The following CFAP54 variants were observed in gnomAD, a reference collection of about 807,000 sequenced individuals.
CFAP54 encodes the protein cilia and flagella associated protein 54.
A neutral mutation model predicts 370.4 loss-of-function variants in CFAP54; 290 were observed. The ratio of observed to expected loss-of-function variants is 0.78; its 90% CI spans 0.71 to 0.86. CFAP54 has a LOEUF of 0.86. Ranked by LOEUF, CFAP54 falls within the 40% of genes least tolerant of loss-of-function variation. The pLI, the probability that CFAP54 is intolerant of heterozygous loss-of-function variation, is 0.00. For synonymous variants in CFAP54, 1,206 were observed against 1,236.5 expected, an observed-to-expected ratio of 0.98 and a Z score of 0.52; for missense variants, 3,399 against 3,528.7, an observed-to-expected ratio of 0.96 and a Z score of 0.93.
chr12:96,539,775 G>GT (rs1347764155), intron 13 of CFAP54, among the ~76,000 whole-genome samples: 11 of 152,222 alleles, frequency 7.2e-5, no homozygotes, highest in African/African-American at 2.6e-4. Flanking sequence ...ATACAGAGAC[G>GT]TAAGAGTGTC....
At chr12:96,608,314 C>T (rs1461178028) in intron 26 of CFAP54, among the ~76,000 whole-genome samples, 6 of 133,884 alleles carry the variant, frequency 4.5e-5, no homozygotes, top group East Asian at 3.9e-4. Context: ...TATATACACA[C>T]ACACACACAC....
Position 96,669,597 on chromosome 12 carries a change from G to C in CFAP54, c.5563+5665G>C, listed in dbSNP as rs542518939. On this transcript the variant is annotated intron_variant, in intron 39 of 67. Transcript: ENST00000524981. ...AGGTGGCGGATGGGTGAGGAAGGGA[G>C]GAGTTCAAGTCGCCTTGGTTTCTGG... Among the ~76,000 whole-genome samples, 17 of 152,304 alleles carry C rather than the reference G, an allele frequency of 1.1e-4. 1 individual carries two copies. In the East Asian group the frequency reaches 2.9e-3, roughly 26 times the overall value.
rs558527819 is a variant in CFAP54, at chr12:96,571,104, A to G, written c.2620-5481A>G. On this transcript the variant is annotated intron_variant, in intron 19 of 67. Coordinates refer to ENST00000524981, the MANE Select transcript of CFAP54 (RefSeq NM_001306084.2). ...TTCCAGTCCTGTGATAGTTGATTACATATGTCTTAGTCACACCCTCAAGAT... is the reference window on the plus strand; with the variant it reads ...TTCCAGTCCTGTGATAGTTGATTACGTATGTCTTAGTCACACCCTCAAGAT... Among the ~76,000 whole-genome samples, 8 of 152,258 alleles carry G rather than the reference A, an allele frequency of 5.3e-5. No individual in the cohort carries two copies. In the South Asian group the frequency reaches 6.2e-4, roughly 12 times the overall value.
At chr12:96,631,137 C>T (rs752187711) in intron 32 of CFAP54, among the ~76,000 whole-genome samples, 5 of 151,492 alleles carry the variant, frequency 3.3e-5, no homozygotes, top group Admixed American at 6.6e-5. Context: ...TAATTTACAC[C>T]GCATAGATAT....
chr12:96,818,675 C>G (rs1959001235), intron 65 of CFAP54, among the ~76,000 whole-genome samples: 1 of 152,244 alleles, frequency 6.6e-6, no homozygotes, highest in African/African-American at 2.4e-5. Context: ...CTGCCCCACT[C>G]AAGCTTACTG....
intron 60 of CFAP54, among the ~76,000 whole-genome samples, chr12:96,766,686 G>C (rs1720989171): frequency 1.3e-5 from 2 of 152,182 alleles, no homozygotes; most frequent in Non-Finnish European, 2.9e-5. Flanking sequence ...TAGACTGAGA[G>C]ATTAGTCAAA....
rs1592844389 is a variant in CFAP54, at chr12:96,546,805, G to GTC, written c.2078-1096_2078-1095dup. Among the ~76,000 whole-genome samples the GTC allele has an allele frequency of 2.0e-5, 3 of 147,864 alleles. No homozygotes were observed. In the East Asian group the frequency reaches 6.4e-4, roughly 32 times the overall value. ...GATCATGCCACTGCCCTCTAGCCTGGTCAACAGTGTGAGACTCCATCTCAA... is the reference window on the plus strand; with the variant it reads ...GATCATGCCACTGCCCTCTAGCCTGGTCTCAACAGTGTGAGACTCCATCTCAA... On this transcript the variant is annotated intron_variant, in intron 14 of 67. Transcript: ENST00000524981.
chr12:96,607,099 G>A (rs1409863072), intron 26 of CFAP54, among the ~76,000 whole-genome samples: 1 of 152,172 alleles, frequency 6.6e-6, no homozygotes, highest in Non-Finnish European at 1.5e-5. Flanking sequence ...TTCATGGCCT[G>A]ACCTCAAGAG....
At chr12:96,679,940 A>T (rs550522935) in intron 40 of CFAP54, among the ~76,000 whole-genome samples, 188 bp downstream of exon 40, 4 of 151,742 alleles carry the variant, frequency 2.6e-5, no homozygotes, top group African/African-American at 9.7e-5. Context: ...TTTCTCACTC[A>T]CTCGCTTTTA....
At chr12:96,771,965 G>A (rs1958467254) in intron 60 of CFAP54, among the ~76,000 whole-genome samples, 2 of 152,180 alleles carry the variant, frequency 1.3e-5, no homozygotes, top group African/African-American at 4.8e-5. Flanking sequence ...TAAGTATTCA[G>A]TCAGAAAAAG....
chr12:96,603,643 T>C (rs1428003869), intron 26 of CFAP54, among the ~76,000 whole-genome samples: 8 of 152,224 alleles, frequency 5.3e-5, no homozygotes, highest in Non-Finnish European at 7.3e-5. Context: ...TCTTGTAGGC[T>C]TTGTTCGTTT....
chr12:96,623,603 AAT>A (rs1956523330), intron 27 of CFAP54, among the ~76,000 whole-genome samples, 162 bp from the exon 28 acceptor site: 1 of 152,208 alleles, frequency 6.6e-6, no homozygotes, highest in Non-Finnish European at 1.5e-5. Flanking sequence ...ATTAGAGCAC[AAT>A]AACTGTTATT....
chr12:96,743,367 A>C (rs746151386), intron 52 of CFAP54, 35 bp from the exon 53 acceptor site: 41 of 1,605,106 alleles, frequency 2.6e-5, no homozygotes, highest in Non-Finnish European at 3.0e-5. Flanking sequence ...TGACTTTCTC[A>C]ATGCATTTTA....
In CFAP54 at chr12:96,693,787, T is replaced by A; in HGVS notation, c.6330T>A (p.Asn2110Lys). The change falls in exon 45 of 68, where the codon AAT (asparagine) becomes AAA (lysine). Residue 2110 changes from asparagine (N) to lysine (K), a missense_variant. Around this residue, in one of 3 missense-constraint regions of CFAP54, gnomAD observed 2,796 missense variants for 2,869.7 expected, o/e 0.97. Coordinates refer to ENST00000524981, the MANE Select transcript of CFAP54 (RefSeq NM_001306084.2). ...VSGICQDITR[N>K]LEARILKIEV... is the part of the protein sequence containing the mutation. ...GAATTTGTCAAGACATAACAAGAAA[T>A]CTAGAAGCAAGAATCCTCAAGGTAT... 1 of 1,591,972 alleles carries A rather than the reference T, an allele frequency of 6.3e-7. No individual in the cohort carries two copies. The highest frequency in any genetic ancestry group is 8.6e-7 in the Non-Finnish European group (1 of 1,161,564).
intron 65 of CFAP54, among the ~76,000 whole-genome samples, chr12:96,827,707 T>TATAGAATTATATATAATTATATTTA (rs1959133311): frequency 1.1e-5 from 1 of 90,248 alleles, no homozygotes; most frequent in East Asian, 3.3e-4. Flanking sequence ...TATTATATTA[T>TATAGAATTATATATAATTATATTTA]ATATAATTAT....
intron 32 of CFAP54, among the ~76,000 whole-genome samples, chr12:96,633,977 A>C (rs1197814720): frequency 6.6e-6 from 1 of 151,276 alleles, no homozygotes; most frequent in Non-Finnish European, 1.5e-5. Flanking sequence ...TTTAGCTATT[A>C]AAATAGGTGT....
intron 26 of CFAP54, among the ~76,000 whole-genome samples, chr12:96,608,351 A>T (rs1008106129): frequency 3.1e-4 from 47 of 152,038 alleles, no homozygotes; most frequent in Non-Finnish European, 6.2e-4. Context: ...ACACACATAC[A>T]TATAAAATTA....
intron 28 of CFAP54, 147 bp downstream of exon 28, chr12:96,624,028 AC>A (rs1175043314): frequency 1.8e-6 from 1 of 568,426 alleles, no homozygotes; most frequent in Non-Finnish European, 3.1e-6. Context: ...TCCTAACAAT[AC>A]CCTGTTAATA....
chr12:96,834,014 G>T (rs1476571552), intron 66 of CFAP54, among the ~76,000 whole-genome samples: 1 of 152,142 alleles, frequency 6.6e-6, no homozygotes, highest in Non-Finnish European at 1.5e-5. Context: ...AAAGTAGAAG[G>T]CAGGAGTCAA....
Sources: allele counts gnomAD v4.1 joint callset (sites outside exome capture counted in the v4.1 genomes callset), GRCh38; gene constraint gnomAD v4.1.1; regional missense constraint gnomAD v4.1.1; transcripts MANE v1.5; gene names NCBI Gene and HGNC (gene_info 2026-07-23, HGNC 2026-07-21).